The following OOSP1 variants were observed in gnomAD, a reference collection of about 807,000 sequenced individuals.
The protein encoded by OOSP1 is oocyte secreted protein 1, also known as putative oocyte-secreted protein 1 homolog.
A neutral mutation model predicts 5.7 loss-of-function variants in OOSP1; 11 were observed. That is an observed-to-expected ratio of 1.94 (90% CI 1.22 to 3.20). The LOEUF is 3.20. Among genes scored for constraint, OOSP1 ranks in the 30% most tolerant of loss-of-function variants. The pLI is 0.00. For missense variants in OOSP1, 83 were observed against 54.1 expected (o/e 1.53, Z -1.67); for synonymous variants, 44 against 20.0 (o/e 2.20, Z -3.20).
At position 59,950,549 on chromosome 11, in the gene OOSP1, C is replaced by G. The variant is rs139921498; in HGVS notation, c.486+2687C>G. Among the ~76,000 whole-genome samples, 431 of 152,220 alleles carry G rather than the reference C, an allele frequency of 2.8e-3. 1 individual carries two copies. The highest frequency in any genetic ancestry group is 9.9e-3 in the African/African-American group (410 of 41,542). ...CAGTAAGGTCAATTGGAAGTAAAAC[C>G]AGGGCAGAGTGGGGTCCTGGGAGCC... On this transcript the variant is annotated intron_variant, in intron 4 of 4. Transcript: ENST00000646685.
intron 2 of OOSP1, among the ~76,000 whole-genome samples, chr11:59,943,993 A>G (rs1339950798): frequency 6.6e-6 from 1 of 152,246 alleles, no homozygotes; most frequent in East Asian, 1.9e-4. Flanking sequence ...TTTGAGGTAG[A>G]GTTGAGTGTG....
intron 3 of OOSP1, 37 bp from the exon 4 acceptor site, chr11:59,947,696 C>G (rs1396432396): frequency 5.0e-6 from 2 of 397,936 alleles, no homozygotes; most frequent in Non-Finnish European, 8.9e-6. Context: ...TAGATCTTAA[C>G]CACTATGTGA....
rs77425924 is a variant in OOSP1 at position 59,956,162 on chromosome 11, C to T, written c.487-1033C>T. 2.2e-3 allele frequency among the ~76,000 whole-genome samples: 329 copies of T among 151,942 alleles called. 3 individuals are homozygous for T. The highest frequency in any genetic ancestry group is 7.5e-3 in the African/African-American group (309 of 41,458). ...ATTAGGCTTGCAGTTTTCTTTCCTC[C>T]TTCCCTTCCTCTCCTCTCTCCTTTC... On this transcript the variant is annotated intron_variant, in intron 4 of 4. Transcript: ENST00000646685.
At chr11:59,941,462 C>A (rs539017519) in intron 1 of OOSP1, among the ~76,000 whole-genome samples, 22 of 152,178 alleles carry the variant, frequency 1.4e-4, no homozygotes, top group Admixed American at 1.2e-3. Flanking sequence ...TCACTGCAAC[C>A]TCTGCCTCCC....
intron 1 of OOSP1, 110 bp downstream of exon 1, chr11:59,938,640 C>G (rs1021090791): frequency 2.5e-6 from 1 of 405,156 alleles, no homozygotes; most frequent in African/African-American, 2.1e-5. Flanking sequence ...GCCAAGGACA[C>G]ATGGAGGGGT....
intron 1 of OOSP1, among the ~76,000 whole-genome samples, chr11:59,939,518 C>T (rs180803503): frequency 7.2e-5 from 11 of 152,194 alleles, no homozygotes; most frequent in Non-Finnish European, 8.8e-5. Context: ...TCCCAAAGTG[C>T]TGGTATAACA....
rs61407778 is a variant in OOSP1, at chr11:59,939,593, CT to C, written c.76+1071del. On this transcript the variant is annotated intron_variant, in intron 1 of 4. Transcript: ENST00000646685. ...TTTCTTTCTCTCCTTCTCTCTTTTTCTTTTTTTTCTTCCCTTTCTCTTCCTC... is the reference window on the plus strand; with the variant it reads ...TTTCTTTCTCTCCTTCTCTCTTTTTCTTTTTTTCTTCCCTTTCTCTTCCTC... Among the ~76,000 whole-genome samples the C allele has an allele frequency of 1.8e-4, 27 of 149,662 alleles. 1 individual carries two copies. The highest frequency in any genetic ancestry group is 6.8e-3 in the Middle Eastern group (2 of 294).
chr11:59,949,676 T>G (rs910920080), intron 4 of OOSP1, among the ~76,000 whole-genome samples: 1 of 151,998 alleles, frequency 6.6e-6, no homozygotes, highest in African/African-American at 2.4e-5. Flanking sequence ...ATTGACACAC[T>G]TGGCTTTTGT....
chr11:59,955,215 A>G (rs1401554233), intron 4 of OOSP1, among the ~76,000 whole-genome samples: 1 of 152,162 alleles, frequency 6.6e-6, no homozygotes, highest in African/African-American at 2.4e-5. Flanking sequence ...TATTTCAGTG[A>G]ATGTGCTTAT....
chr11:59,957,349 G>C, exon 5 of OOSP1: 1 of 395,802 alleles, frequency 2.5e-6, no homozygotes, highest in Non-Finnish European at 4.5e-6. Flanking sequence ...AGGTACTTGT[G>C]TTTGGAGAGA....
chr11:59,945,219 A>G (rs1590891539), exon 3 of OOSP1: 2 of 702,996 alleles, frequency 2.8e-6, no homozygotes. Context: ...ATATCTCAAG[A>G]GACTCTACTG....
intron 2 of OOSP1, among the ~76,000 whole-genome samples, chr11:59,943,476 C>T (rs1485314098): frequency 4.6e-5 from 7 of 152,146 alleles, no homozygotes; most frequent in Admixed American, 4.6e-4. Context: ...ACATTTAGGA[C>T]AGAAGCAGTT....
intron 2 of OOSP1, among the ~76,000 whole-genome samples, chr11:59,944,083 G>A (rs976784154): frequency 3.9e-5 from 6 of 152,190 alleles, no homozygotes; most frequent in Non-Finnish European, 7.3e-5. Flanking sequence ...CAGGCTTAGA[G>A]ACAGCTTTGG....
At chr11:59,942,000 T>C (rs1376875204) in intron 1 of OOSP1, among the ~76,000 whole-genome samples, 1 of 152,234 alleles carries the variant, frequency 6.6e-6, no homozygotes, top group East Asian at 1.9e-4. Flanking sequence ...ATTTGCAATA[T>C]GTATAGCCCC....
At chr11:59,942,818 T>C (rs771629424) in intron 1 of OOSP1, 29 bp from the exon 2 acceptor site, 45 of 694,252 alleles carry the variant, frequency 6.5e-5, no homozygotes, top group Non-Finnish European at 1.0e-4. Flanking sequence ...AATTGCATAC[T>C]AACAAAATTT....
rs75023236 is a variant in OOSP1 at position 59,946,595 on chromosome 11, A to T, written c.357-1138A>T. Among the ~76,000 whole-genome samples the T allele has an allele frequency of 2.9e-3, 435 of 152,336 alleles. 4 individuals carry two copies. The highest frequency in any genetic ancestry group is 9.7e-3 in the African/African-American group (405 of 41,586). On this transcript the variant is annotated intron_variant, in intron 3 of 4. Coordinates refer to ENST00000646685, the Ensembl canonical transcript of OOSP1. ...ATGAAATGATGACTTATTTTTCTAT[A>T]TAAGTGTCAGGGTCCCTGAAAACCT...
At chr11:59,938,664 G>A (rs536067788) in intron 1 of OOSP1, 134 bp downstream of exon 1, 3 of 402,608 alleles carry the variant, frequency 7.5e-6, no homozygotes, top group East Asian at 3.6e-5. Flanking sequence ...GCCTCTTTTC[G>A]ATGTGCAATC....
rs139194110 is a variant in OOSP1, at chr11:59,952,867, T to A, written c.487-4328T>A. Among the ~76,000 whole-genome samples, 1,419 of 152,302 alleles carry A rather than the reference T, an allele frequency of 9.3e-3. 25 individuals are homozygous for A. Among genetic ancestry groups the A allele is most frequent in the African/African-American group, 0.032 (1,336 of 41,552 alleles). On this transcript the variant is annotated intron_variant, in intron 4 of 4. Transcript: ENST00000646685. The stretch of plus-strand genomic sequence containing the variant: ...TTTTTGTTCCAAGTAATTATTAATG[T>A]GGTGGCTGCAAATATTGATTTCTGC...
intron 4 of OOSP1, among the ~76,000 whole-genome samples, chr11:59,954,662 T>TATCTATC (rs1157483576): frequency 2.0e-4 from 30 of 151,866 alleles, no homozygotes; most frequent in Non-Finnish European, 3.5e-4. Flanking sequence ...TCTATCTATC[T>TATCTATC]ATCTATCTAA....
Sources: allele counts gnomAD v4.1 joint callset (sites outside exome capture counted in the v4.1 genomes callset), GRCh38; gene constraint gnomAD v4.1.1; transcripts MANE v1.5; gene names NCBI Gene and HGNC (gene_info 2026-07-23, HGNC 2026-07-21).